Variants in QNG1 observed in about 807,000 individuals in gnomAD.
The protein encoded by QNG1 is Q-nucleotide N-glycosylase 1.
the QNG1 span, chr9:83,945,093 C>T: frequency 1.1e-6 from 1 of 930,984 alleles, no homozygotes; most frequent in Non-Finnish European, 1.6e-6. Flanking sequence ...GCAGAATAAT[C>T]TTACTTTGTT....
chr9:83,956,518 G>A, the QNG1 span: 21 of 1,515,538 alleles, frequency 1.4e-5, no homozygotes, highest in Middle Eastern at 5.4e-4. Context: ...TTTGGGACCC[G>A]GCGGGCCAAA....
chr9:83,945,654 T>C, the QNG1 span, among the ~76,000 whole-genome samples: 19 of 152,012 alleles, frequency 1.2e-4, no homozygotes, highest in Non-Finnish European at 2.5e-4. Context: ...CAGGCTGGAG[T>C]GCAGTGGTGC....
chr9:83,949,499 A>G, the QNG1 span, among the ~76,000 whole-genome samples: 1 of 152,112 alleles, frequency 6.6e-6, no homozygotes, highest in South Asian at 2.1e-4. Context: ...ATACAAAATT[A>G]GCCGGGCATG....
the QNG1 span, among the ~76,000 whole-genome samples, chr9:83,946,435 A>G: frequency 1.9e-4 from 29 of 152,356 alleles, no homozygotes; most frequent in South Asian, 2.9e-3. Flanking sequence ...TTATTTTATG[A>G]AGACATTAAT....
At chr9:83,956,185 C>G in the QNG1 span, 1 of 1,611,622 alleles carries the variant, frequency 6.2e-7, no homozygotes, top group Non-Finnish European at 8.5e-7. Flanking sequence ...GCTCTGTTGA[C>G]GGCGGCGCAC....
chr9:83,956,585 G>A, the QNG1 span: 2 of 1,192,446 alleles, frequency 1.7e-6, no homozygotes, highest in Non-Finnish European at 2.3e-6. Flanking sequence ...ACTACGAACC[G>A]CGCGATCACA....
At chr9:83,941,933 A>G in the QNG1 span, among the ~76,000 whole-genome samples, 1 of 152,102 alleles carries the variant, frequency 6.6e-6, no homozygotes, top group Non-Finnish European at 1.5e-5. Flanking sequence ...AAAAGAGGAT[A>G]CAAAGAGACA....
chr9:83,948,696 G>A, the QNG1 span, among the ~76,000 whole-genome samples: 1 of 152,230 alleles, frequency 6.6e-6, no homozygotes, highest in Non-Finnish European at 1.5e-5. Flanking sequence ...GATTGTTACT[G>A]TGTCCGTGTA....
At chr9:83,953,797 G>A in the QNG1 span, 1 of 1,548,604 alleles carries the variant, frequency 6.5e-7, no homozygotes, top group Non-Finnish European at 8.7e-7. Flanking sequence ...AAATCCGGGT[G>A]CAGCCTGTGA....
At chr9:83,948,884 C>T in the QNG1 span, among the ~76,000 whole-genome samples, 1 of 152,018 alleles carries the variant, frequency 6.6e-6, no homozygotes, top group Non-Finnish European at 1.5e-5. Context: ...TAAACAGATG[C>T]TTGAAGGCAG....
the QNG1 span, among the ~76,000 whole-genome samples, chr9:83,950,509 AT>A: frequency 2.0e-5 from 3 of 152,090 alleles, no homozygotes; most frequent in Non-Finnish European, 2.9e-5. Flanking sequence ...TTGTTTTGTG[AT>A]TTAAATATTT....
chr9:83,945,013 C>T, the QNG1 span: 179 of 1,542,236 alleles, frequency 1.2e-4, 1 homozygote, highest in Non-Finnish European at 1.4e-4. Flanking sequence ...AGAATATAAA[C>T]GTTATTTGAG....
At chr9:83,954,982 G>C in the QNG1 span, among the ~76,000 whole-genome samples, 2 of 151,210 alleles carry the variant, frequency 1.3e-5, no homozygotes, top group African/African-American at 2.4e-5. Context: ...CAGATTACCT[G>C]AGGTCGGGAG....
At chr9:83,948,641 G>C in the QNG1 span, among the ~76,000 whole-genome samples, 1 of 152,176 alleles carries the variant, frequency 6.6e-6, no homozygotes, top group African/African-American at 2.4e-5. Flanking sequence ...TGGCGGTTTT[G>C]TCGAATAGAA....
At chr9:83,955,152 T>C in the QNG1 span, among the ~76,000 whole-genome samples, 1 of 152,134 alleles carries the variant, frequency 6.6e-6, no homozygotes, top group Non-Finnish European at 1.5e-5. Flanking sequence ...TGAGCCAAGA[T>C]CACGCCACTG....
the QNG1 span, chr9:83,956,515 C>A: frequency 6.6e-7 from 1 of 1,516,148 alleles, no homozygotes; most frequent in Non-Finnish European, 8.8e-7. Flanking sequence ...CCCTTTGGGA[C>A]CCGGCGGGCC....
chr9:83,956,379 C>T, the QNG1 span: 1 of 1,605,650 alleles, frequency 6.2e-7, no homozygotes, highest in South Asian at 1.1e-5. Flanking sequence ...CAGCTCTGGC[C>T]CCGCCGCCTT....
chr9:83,944,300 T>C, the QNG1 span, among the ~76,000 whole-genome samples: 1 of 152,212 alleles, frequency 6.6e-6, no homozygotes, highest in Non-Finnish European at 1.5e-5. Context: ...AGCTTATATA[T>C]CATAAGGCTC....
chr9:83,939,632 T>G, the QNG1 span: 16 of 1,614,152 alleles, frequency 9.9e-6, no homozygotes, highest in Non-Finnish European at 1.4e-5. Context: ...ATTAGGTTTT[T>G]CACCCTTTTG....
Sources: allele counts gnomAD v4.1 joint callset (sites outside exome capture counted in the v4.1 genomes callset), GRCh38; gene constraint gnomAD v4.1.1; transcripts MANE v1.5; gene names NCBI Gene and HGNC (gene_info 2026-07-23, HGNC 2026-07-21).